The following GID4 variants were observed in gnomAD, a reference collection of about 807,000 sequenced individuals.
The protein encoded by GID4 is GID complex subunit 4 homolog.
In GID4, 7 loss-of-function variants were observed where a neutral mutation model predicts 32.4. That is an observed-to-expected ratio of 0.22 (90% confidence interval 0.12 to 0.41). GID4 has a LOEUF of 0.41. GID4 is among the 10% of genes least tolerant of loss of function. GID4 has a pLI of 1.00. For synonymous variants in GID4, 166 were observed against 170.0 expected (o/e 0.98, Z 0.18); for missense variants, 309 against 400.0 (o/e 0.77, Z 1.94).
chr17:18,050,602 AC>A (rs1414757806), intron 2 of GID4, among the ~76,000 whole-genome samples: 1 of 152,210 alleles, frequency 6.6e-6, no homozygotes, highest in Non-Finnish European at 1.5e-5. Context: ...ACCAAAACTC[AC>A]AAAAACAAAA....
rs1445271318 is a variant in GID4 at position 18,061,415 on chromosome 17, C to T, written c.709-430C>T. On this transcript the variant is annotated intron_variant, in intron 4 of 5. Transcript: ENST00000268719. This position sits in a 1 kb window ranked among gnomAD's most constrained non-coding sequence, Gnocchi z 4.4. ...AGAATGGTCCACAGACCTACAGAAGCGACTCACTGTTCTAGATGTTATCAA... is the reference window on the plus strand; with the variant it reads ...AGAATGGTCCACAGACCTACAGAAGTGACTCACTGTTCTAGATGTTATCAA... 6.6e-6 allele frequency among the ~76,000 whole-genome samples: 1 copy of T among 152,302 alleles called. No homozygotes were observed. The highest frequency in any genetic ancestry group is 1.9e-4 in the East Asian group (1 of 5,186).
intron 2 of GID4, among the ~76,000 whole-genome samples, chr17:18,047,068 C>T (rs2044861386): frequency 6.6e-6 from 1 of 152,156 alleles, no homozygotes; most frequent in South Asian, 2.1e-4. Context: ...TGATGAGCCT[C>T]AGTCTTAAGA....
intron 3 of GID4, among the ~76,000 whole-genome samples, chr17:18,054,438 A>G (rs1410494560): frequency 6.6e-6 from 1 of 152,172 alleles, no homozygotes; most frequent in Non-Finnish European, 1.5e-5. Context: ...TAAATAGCAA[A>G]TGGTTGTCTG....
intron 5 of GID4, among the ~76,000 whole-genome samples, chr17:18,062,860 G>A (rs2142154610): frequency 6.6e-6 from 1 of 151,824 alleles, no homozygotes; most frequent in Non-Finnish European, 1.5e-5. Context: ...TGGATCACGA[G>A]GTCAGGAGAT....
At chr17:18,055,403 G>C (rs1392673652) in intron 3 of GID4, among the ~76,000 whole-genome samples, 2 of 152,122 alleles carry the variant, frequency 1.3e-5, no homozygotes, top group African/African-American at 4.8e-5. Context: ...TCTGTGGAGA[G>C]AACTCCCGCA....
chr17:18,055,335 C>G (rs1597696184), intron 3 of GID4, among the ~76,000 whole-genome samples: 1 of 152,172 alleles, frequency 6.6e-6, no homozygotes, highest in African/African-American at 2.4e-5. Flanking sequence ...AGAACTCGTT[C>G]TTCCCATTGC....
chr17:18,059,804 G>A (rs891177565), intron 4 of GID4, among the ~76,000 whole-genome samples: 1 of 151,988 alleles, frequency 6.6e-6, no homozygotes, highest in Non-Finnish European at 1.5e-5. Context: ...AGTGGGGATC[G>A]GCCGGGCGTG....
chr17:18,045,349 A>G (rs765549066), intron 2 of GID4, 143 bp downstream of exon 2: 112 of 547,714 alleles, frequency 2.0e-4, no homozygotes, highest in Non-Finnish European at 4.3e-5. Context: ...TATAGGGAAC[A>G]TAAAACAGGC....
intron 2 of GID4, among the ~76,000 whole-genome samples, chr17:18,052,080 C>CAAA (rs11287932): frequency 7.8e-6 from 1 of 128,128 alleles, no homozygotes. Context: ...TCCCTCCCCC[C>CAAA]AAAAAAAAAA....
At chr17:18,055,348 C>T (rs1288492959) in intron 3 of GID4, among the ~76,000 whole-genome samples, 1 of 152,124 alleles carries the variant, frequency 6.6e-6, no homozygotes, top group Non-Finnish European at 1.5e-5. Flanking sequence ...CCCATTGCCT[C>T]TCACACCTGG....
chr17:18,050,867 CCTTT>C (rs2044902969), intron 2 of GID4, among the ~76,000 whole-genome samples: 1 of 152,180 alleles, frequency 6.6e-6, no homozygotes, highest in Non-Finnish European at 1.5e-5. Flanking sequence ...TTCTCGATAT[CCTTT>C]CTTCTGACAT....
rs2045084542 is a variant in GID4 at position 18,068,129 on chromosome 17, A to G, written c.*2886A>G. ...CTTGAATTGATTTTTTTCTCATAAA[A>G]TAGTCTGATAAGCTAATTTTTAAAA... On this transcript the variant is annotated 3_prime_UTR_variant, in exon 6 of 6. Coordinates refer to ENST00000268719, the MANE Select transcript of GID4 (RefSeq NM_024052.5). The G allele has an allele frequency of 6.6e-6, 1 of 152,660 alleles. No individual in the cohort carries two copies. The highest frequency in any genetic ancestry group is 1.5e-5 in the Non-Finnish European group (1 of 68,046). The allele number at this position is 152,660 out of a possible 1,614,324, so 9.5% of individuals were successfully genotyped here.
At chr17:18,059,927 A>T (rs189687145) in intron 4 of GID4, among the ~76,000 whole-genome samples, 1 of 151,490 alleles carries the variant, frequency 6.6e-6, no homozygotes, top group Non-Finnish European at 1.5e-5. Flanking sequence ...CTACTAAAAA[A>T]TACAAAAAAT....
chr17:18,047,574 G>A (rs756515726), intron 2 of GID4, among the ~76,000 whole-genome samples: 1 of 152,232 alleles, frequency 6.6e-6, no homozygotes, highest in South Asian at 2.1e-4. Context: ...TGAGGAGGGG[G>A]CACTGACAAT....
At chr17:18,059,607 T>G (rs1293122809) in intron 4 of GID4, among the ~76,000 whole-genome samples, 1 of 152,138 alleles carries the variant, frequency 6.6e-6, no homozygotes, top group Non-Finnish European at 1.5e-5. Flanking sequence ...AACGTGATAT[T>G]TACAGCCCCA....
At chr17:18,042,557 G>A (rs2044813115) in intron 1 of GID4, among the ~76,000 whole-genome samples, 1 of 152,174 alleles carries the variant, frequency 6.6e-6, no homozygotes, top group Non-Finnish European at 1.5e-5. Context: ...TTTATACAGT[G>A]ATCAGTTGAT....
intron 2 of GID4, among the ~76,000 whole-genome samples, 176 bp from the exon 3 acceptor site, chr17:18,053,951 C>T (rs931440057): frequency 6.6e-6 from 1 of 152,140 alleles, no homozygotes; most frequent in African/African-American, 2.4e-5. Context: ...GATTTAGATT[C>T]AGGTCCATTG....
intron 1 of GID4, 140 bp downstream of exon 1, chr17:18,040,042 A>C: frequency 8.7e-7 from 1 of 1,152,346 alleles, no homozygotes; most frequent in Non-Finnish European, 1.1e-6. Context: ...CCCACCCGGG[A>C]CCTTCCCAGC....
At chr17:18,060,400 CAAAAAAAAAAAA>C (rs919974638) in intron 4 of GID4, among the ~76,000 whole-genome samples, 2 of 45,674 alleles carry the variant, frequency 4.4e-5, no homozygotes, top group Admixed American at 2.6e-4. Context: ...TCTGTCTCAC[CAAAAAAAAAAAA>C]AAAAAAAAAA....
Sources: gnomAD v4.1 joint callset for allele counts (sites outside exome capture counted in the v4.1 genomes callset) on GRCh38, gnomAD v4.1.1 for gene constraint, Gnocchi (gnomAD v3.1) non-coding constraint, MANE v1.5 for transcripts, NCBI Gene and HGNC (gene_info 2026-07-23, HGNC 2026-07-21) for gene names.